Variants in ITPRID1 observed in about 807,000 individuals in gnomAD.
ITPRID1 encodes protein ITPRID1.
ITPRID1 carries 96 observed loss-of-function variants against 95.4 expected under a neutral mutation model. The ratio of observed to expected loss-of-function variants is 1.01; its 90% confidence interval spans 0.85 to 1.19. The LOEUF (loss-of-function observed/expected upper bound fraction) is 1.19. Ranked by LOEUF, ITPRID1 falls within the 50% of genes most tolerant of loss-of-function variation. ITPRID1 has a pLI of 0.00. For missense variants in ITPRID1, 1,339 were observed against 1,252.9 expected (o/e 1.07, Z -1.04); for synonymous variants, 510 against 453.6 (o/e 1.12, Z -1.58).
At chr7:31,554,774 C>A (rs1784394629) in intron 4 of ITPRID1, 84 bp from the exon 5 acceptor site, 1 of 1,202,972 alleles carries the variant, frequency 8.3e-7, no homozygotes, top group Non-Finnish European at 1.2e-6. Context: ...TCTGCATTTG[C>A]TCTCACCTGT....
At chr7:31,573,673 G>A (rs1386915670) in intron 7 of ITPRID1, among the ~76,000 whole-genome samples, 1 of 151,812 alleles carries the variant, frequency 6.6e-6, no homozygotes, top group Non-Finnish European at 1.5e-5. Context: ...GCTTCCCATG[G>A]AATCCATGAA....
intron 1 of ITPRID1, among the ~76,000 whole-genome samples, chr7:31,538,928 T>G (rs2128132353): frequency 6.6e-6 from 1 of 152,286 alleles, no homozygotes; most frequent in South Asian, 2.1e-4. Context: ...ATTACGGTGG[T>G]TCCTGAAATT....
rs75365918 is a variant in ITPRID1 at position 31,614,518 on chromosome 7, T to C, written c.1229-27658T>C. ...AAAGGCAGATATGAGAGACACTTAA[T>C]AGGTATATATACTCCATGAATGCAG... is the stretch of plus-strand genomic sequence containing the variant. On this transcript the variant is annotated intron_variant, in intron 10 of 14. Transcript: ENST00000615280. Among the ~76,000 whole-genome samples the C allele has an allele frequency of 1.7e-3, 265 of 152,324 alleles. 2 individuals are homozygous for C. The highest frequency in any genetic ancestry group is 6.3e-3 in the African/African-American group (260 of 41,576).
At chr7:31,628,461 CTTTT>C (rs371083058) in intron 10 of ITPRID1, among the ~76,000 whole-genome samples, 1 of 140,434 alleles carries the variant, frequency 7.1e-6, no homozygotes, top group Non-Finnish European at 1.5e-5. Flanking sequence ...TTTTTTTTTT[CTTTT>C]TTTTTCTTTT....
chr7:31,650,974 T>G (rs2128219458), intron 12 of ITPRID1, among the ~76,000 whole-genome samples, 168 bp from the exon 13 acceptor site: 1 of 152,274 alleles, frequency 6.6e-6, no homozygotes, highest in South Asian at 2.1e-4. Context: ...TCACTAGTTG[T>G]TTTGTGAACC....
chr7:31,577,412 C>T (rs1046769076), intron 8 of ITPRID1, among the ~76,000 whole-genome samples: 1 of 152,164 alleles, frequency 6.6e-6, no homozygotes, highest in Non-Finnish European at 1.5e-5. Context: ...GATCTTTCCA[C>T]ACTATCAGGT....
chr7:31,657,495 T>G (rs1335889227), downstream of ITPRID1, among the ~76,000 whole-genome samples: 1 of 152,158 alleles, frequency 6.6e-6, no homozygotes, highest in Non-Finnish European at 1.5e-5. Context: ...CGGTTCTGAG[T>G]CGCTTTCATA....
At chr7:31,650,519 G>A (rs528295799) in intron 12 of ITPRID1, among the ~76,000 whole-genome samples, 4 of 152,256 alleles carry the variant, frequency 2.6e-5, no homozygotes, top group East Asian at 3.9e-4. Flanking sequence ...GATTAAAAGC[G>A]TAGACAAAGT....
At chr7:31,515,214 T>G (rs557741315) in intron 1 of ITPRID1, among the ~76,000 whole-genome samples, 1 of 152,070 alleles carries the variant, frequency 6.6e-6, no homozygotes, top group Non-Finnish European at 1.5e-5. Context: ...TTTCCACTAC[T>G]TCTCCACTAG....
intron 10 of ITPRID1, among the ~76,000 whole-genome samples, chr7:31,640,550 G>A (rs773228007): frequency 1.2e-4 from 18 of 152,144 alleles, no homozygotes; most frequent in Non-Finnish European, 1.9e-4. Context: ...CTCTCAAAGC[G>A]CTAAGCTGGG....
At chr7:31,575,021 A>G (rs1464133194) in intron 8 of ITPRID1, among the ~76,000 whole-genome samples, 3 of 152,286 alleles carry the variant, frequency 2.0e-5, no homozygotes, top group African/African-American at 7.2e-5. Context: ...GAAAGATAGA[A>G]ATGGAGAATG....
At chr7:31,592,781 G>A (rs567166323) in intron 10 of ITPRID1, among the ~76,000 whole-genome samples, 12 of 152,228 alleles carry the variant, frequency 7.9e-5, no homozygotes, top group South Asian at 4.1e-4. Context: ...GACTGAAGCC[G>A]GGGGTTGGGG....
intron 10 of ITPRID1, among the ~76,000 whole-genome samples, chr7:31,585,428 C>T (rs1375982225): frequency 6.6e-6 from 1 of 151,862 alleles, no homozygotes; most frequent in East Asian, 1.9e-4. Flanking sequence ...CCTGAGCCCC[C>T]CAAAAGTAAA....
At chr7:31,599,356 A>G (rs1786246142) in intron 10 of ITPRID1, among the ~76,000 whole-genome samples, 1 of 152,160 alleles carries the variant, frequency 6.6e-6, no homozygotes, top group Non-Finnish European at 1.5e-5. Context: ...CATCTGCTGT[A>G]TATTAATAAT....
chr7:31,549,619 G>T (rs1784216419), intron 2 of ITPRID1, 120 bp downstream of exon 2: 1 of 658,194 alleles, frequency 1.5e-6, no homozygotes, highest in Non-Finnish European at 2.4e-6. Flanking sequence ...ATTTCCCCAA[G>T]ATGTCAGAAA....
intron 12 of ITPRID1, 37 bp downstream of exon 12, chr7:31,643,990 G>C: frequency 1.3e-6 from 2 of 1,551,744 alleles, no homozygotes; most frequent in Non-Finnish European, 1.7e-6. Flanking sequence ...AAAGGCAGAT[G>C]CACCCGTGAT....
At chr7:31,656,635 C>A, downstream of ITPRID1, 1 of 309,502 alleles carries the variant, frequency 3.2e-6, no homozygotes, top group Non-Finnish European at 4.7e-6. Context: ...AGAGAATGAA[C>A]TGACTATGGT....
intron 12 of ITPRID1, among the ~76,000 whole-genome samples, chr7:31,648,238 T>C (rs970982821): frequency 1.2e-4 from 18 of 152,302 alleles, no homozygotes; most frequent in South Asian, 2.1e-4. Context: ...GCTCTTACCA[T>C]TGAAGTTAAA....
chr7:31,540,787 A>G (rs2128132876), intron 1 of ITPRID1, among the ~76,000 whole-genome samples: 1 of 152,298 alleles, frequency 6.6e-6, no homozygotes, highest in Non-Finnish European at 1.5e-5. Context: ...TTCCAAGATA[A>G]CTTTGGGTTC....
Sources: gnomAD v4.1 joint callset for allele counts (sites outside exome capture counted in the v4.1 genomes callset) on GRCh38, gnomAD v4.1.1 for gene constraint, MANE v1.5 for transcripts, NCBI Gene and HGNC (gene_info 2026-07-23, HGNC 2026-07-21) for gene names.